Variants in TRAPPC12 observed in about 807,000 individuals in gnomAD.
The protein encoded by TRAPPC12 is TPR repeat protein 15.
A neutral mutation model predicts 69.2 loss-of-function variants in TRAPPC12; 61 were observed. That is an observed-to-expected ratio of 0.88 (90% CI 0.72 to 1.09). TRAPPC12 has a LOEUF of 1.09. Ranked by LOEUF, TRAPPC12 falls within the 50% of genes least tolerant of loss-of-function variation. TRAPPC12 has a pLI of 0.00. For missense variants in TRAPPC12, 1,101 were observed against 1,016.4 expected (o/e 1.08, Z -1.13); for synonymous variants, 469 against 438.9 (o/e 1.07, Z -0.86).
intron 5 of TRAPPC12, among the ~76,000 whole-genome samples, chr2:3,427,963 A>G (rs973951070): frequency 6.6e-6 from 1 of 151,942 alleles, no homozygotes; most frequent in Non-Finnish European, 1.5e-5. Context: ...AATGCCCAAC[A>G]TCGCCTTGTG....
chr2:3,387,892 A>G lies in TRAPPC12; in HGVS notation c.269A>G (p.Asp90Gly), dbSNP rs750065934. 6 of 1,570,358 alleles carry G rather than the reference A, an allele frequency of 3.8e-6. No homozygotes were observed. Among genetic ancestry groups the G allele is most frequent in the Non-Finnish European group, 5.2e-6 (6 of 1,156,230 alleles). Residue 90 changes from aspartate to glycine, a missense_variant, in exon 2 of 12, where the codon GAC (aspartate) becomes GGC (glycine). Coordinates refer to ENST00000324266, the MANE Select transcript of TRAPPC12 (RefSeq NM_016030.6). Reference sequence around the variant, plus strand: ...GCGGGCGACCTGGGCCGAGTGCGGGACGAAGCTGAGCCCGGAGGGGAAGGC... The same window carrying G: ...GCGGGCGACCTGGGCCGAGTGCGGGGCGAAGCTGAGCCCGGAGGGGAAGGC... Reference protein sequence around the residue: ...GDAGDLGRVRDEAEPGGEGDP... With the variant: ...GDAGDLGRVRGEAEPGGEGDP...
chr2:3,393,261 G>T (rs1269925790), intron 2 of TRAPPC12, among the ~76,000 whole-genome samples: 2 of 150,454 alleles, frequency 1.3e-5, no homozygotes, highest in African/African-American at 2.4e-5. Flanking sequence ...GACACAAAAT[G>T]ATGAATACCA....
intron 2 of TRAPPC12, among the ~76,000 whole-genome samples, chr2:3,389,933 T>C (rs1169838358): frequency 6.6e-6 from 1 of 151,866 alleles, no homozygotes; most frequent in East Asian, 1.9e-4. Flanking sequence ...TGCATGCTGA[T>C]TGTGAGTATG....
In TRAPPC12 at chr2:3,479,488, G is replaced by A; in HGVS notation, c.*27G>A. On this transcript the variant is annotated 3_prime_UTR_variant, in exon 12 of 12. Transcript: ENST00000324266. ...TGCCTCCAACACACTACGTCAGAAG[G>A]ACCCGGGTCTTTGAAACTGTGTCTT... The A allele has an allele frequency of 1.2e-6, 2 of 1,608,920 alleles. No individual in the cohort carries two copies. Among genetic ancestry groups the A allele is most frequent in the Admixed American group, 1.7e-5 (1 of 59,500 alleles).
chr2:3,461,060 C>G (rs1431410143), intron 8 of TRAPPC12: 2 of 152,240 alleles, frequency 1.3e-5, no homozygotes, highest in Non-Finnish European at 2.9e-5. Context: ...CTGGGCTGTT[C>G]GAAGACAGCG....
chr2:3,381,481 A>G (rs1275559004), intron 1 of TRAPPC12, among the ~76,000 whole-genome samples: 3 of 152,234 alleles, frequency 2.0e-5, no homozygotes, highest in African/African-American at 7.2e-5. Flanking sequence ...TCAACTGGAC[A>G]AGGAGAAAGT....
In TRAPPC12 at chr2:3,460,286, C is replaced by T. The variant is rs201978278; in HGVS notation, c.1627C>T (p.Arg543Cys). ...AGCCTCTATCCGGCTGTGGAGGTCA[C>T]GTCTGGGCCGGGTGATGTACTCCAT... ...RQASIRLWRS[R>C]LGRVMYSMAN... is the part of the protein sequence containing the mutation. Residue 543 changes from arginine to cysteine, a missense_variant, in exon 8 of 12, where the codon CGT becomes TGT. Coordinates refer to ENST00000324266, the MANE Select transcript of TRAPPC12 (RefSeq NM_016030.6). 25 of 874,572 alleles carry T rather than the reference C, an allele frequency of 2.9e-5. No homozygotes were observed. The highest frequency in any genetic ancestry group is 4.2e-5 in the Non-Finnish European group (21 of 503,148). 54.2% of individuals were successfully genotyped at this position (874,572 alleles called of 1,614,324 possible). A position where few individuals can be genotyped will look rare whatever the true frequency, so the allele number is the denominator to read the frequency against.
At chr2:3,405,996 G>C (rs1258700235) in intron 3 of TRAPPC12, among the ~76,000 whole-genome samples, 1 of 152,086 alleles carries the variant, frequency 6.6e-6, no homozygotes, top group African/African-American at 2.4e-5. Flanking sequence ...TAACTGGCGG[G>C]AATCCCGAGA....
chr2:3,445,052 A>C (rs1202603899), intron 6 of TRAPPC12, among the ~76,000 whole-genome samples: 1 of 152,228 alleles, frequency 6.6e-6, no homozygotes. Context: ...TCTAAACTAT[A>C]CGAATTTTTC....
At chr2:3,421,183 A>C (rs1662762025) in intron 3 of TRAPPC12, among the ~76,000 whole-genome samples, 1 of 152,204 alleles carries the variant, frequency 6.6e-6, no homozygotes, top group Admixed American at 6.5e-5. Context: ...TTCTGATCTT[A>C]TTTTCCCATT....
At chr2:3,396,284 G>C (rs1661129036) in intron 2 of TRAPPC12, among the ~76,000 whole-genome samples, 1 of 150,484 alleles carries the variant, frequency 6.6e-6, no homozygotes, top group South Asian at 2.1e-4. Context: ...CCATCCCACT[G>C]TCTTTTGACT....
intron 3 of TRAPPC12, among the ~76,000 whole-genome samples, chr2:3,406,769 TTTATAATA>T (rs1661757038): frequency 6.6e-6 from 1 of 152,232 alleles, no homozygotes; most frequent in Admixed American, 6.5e-5. Flanking sequence ...ATGACAGGGC[TTTATAATA>T]ATGGGTTTAA....
chr2:3,445,834 G>A (rs1185300309), intron 6 of TRAPPC12, among the ~76,000 whole-genome samples: 2 of 152,382 alleles, frequency 1.3e-5, no homozygotes, highest in African/African-American at 4.8e-5. Flanking sequence ...AAAGGACAGT[G>A]CTGTCCGGGG....
intron 1 of TRAPPC12, 96 bp downstream of exon 1, chr2:3,379,972 C>T (rs111770640): frequency 6.6e-6 from 1 of 152,584 alleles, no homozygotes; most frequent in Non-Finnish European, 1.5e-5. Flanking sequence ...CCCGGAGGGA[C>T]CTTCTCTGGG....
intron 1 of TRAPPC12, among the ~76,000 whole-genome samples, chr2:3,381,535 A>T (rs1326113153): frequency 6.6e-6 from 1 of 152,256 alleles, no homozygotes; most frequent in African/African-American, 2.4e-5. Flanking sequence ...CTGTAAGCTT[A>T]TGTAAGCTTA....
At chr2:3,437,267 A>C (rs1457643694) in intron 5 of TRAPPC12, among the ~76,000 whole-genome samples, 4 of 15,066 alleles carry the variant, frequency 2.7e-4, no homozygotes, top group Admixed American at 1.7e-3. Flanking sequence ...TTAATCCCCC[A>C]ATCACCCCTG....
Position 3,458,523 on chromosome 2 carries a change from TGTGTGTG to T in TRAPPC12, c.1603+839_1603+845del, listed in dbSNP as rs111250520. The T allele has an allele frequency of 6.8e-3, 6,099 of 890,726 alleles. 303 individuals are homozygous for T. The African/African-American group carries it at 0.1, about 15-fold the overall frequency. 55.2% of individuals were successfully genotyped at this position (890,726 alleles called of 1,614,324 possible). On this transcript the variant is annotated intron_variant, in intron 7 of 11. Coordinates refer to ENST00000324266, the MANE Select transcript of TRAPPC12 (RefSeq NM_016030.6). The stretch of plus-strand genomic sequence containing the variant: ...GAGCTGAACGTGTGTGAGGTGTGTA[TGTGTGTG>T]GTGTGTGGATGTTGGGTGTGCATGC...
chr2:3,406,393 C>A (rs541889883), intron 3 of TRAPPC12, among the ~76,000 whole-genome samples: 1 of 152,172 alleles, frequency 6.6e-6, no homozygotes, highest in Non-Finnish European at 1.5e-5. Context: ...TTTACAGAAG[C>A]GTGTCCTCAA....
chr2:3,428,171 T>C (rs558247310), intron 5 of TRAPPC12, among the ~76,000 whole-genome samples: 19 of 152,246 alleles, frequency 1.2e-4, no homozygotes, highest in Non-Finnish European at 2.5e-4. Flanking sequence ...CTAGAAAACA[T>C]GCTTTGATTC....
Sources: allele counts gnomAD v4.1 joint callset (sites outside exome capture counted in the v4.1 genomes callset), GRCh38; gene constraint gnomAD v4.1.1; transcripts MANE v1.5; gene names NCBI Gene and HGNC (gene_info 2026-07-23, HGNC 2026-07-21).